Variants in ATP6V1C1 observed in about 807,000 individuals in gnomAD.
The protein encoded by ATP6V1C1 is V-type proton ATPase subunit C 1.
A neutral mutation model predicts 53.9 loss-of-function variants in ATP6V1C1; 45 were observed. The observed-to-expected ratio is 0.83, with a 90% CI of 0.66 to 1.07. ATP6V1C1 has a LOEUF of 1.07. ATP6V1C1 is among the 50% of genes least tolerant of loss of function. The probability of loss-of-function intolerance (pLI) is 0.00; values close to 1 mark genes in which losing one functional copy is unlikely to be tolerated. For synonymous variants in ATP6V1C1, 153 were observed against 155.2 expected (o/e 0.99, Z 0.11); for missense variants, 315 against 440.3 (o/e 0.72, Z 2.55).
At position 103,063,121 on chromosome 8, in the gene ATP6V1C1, T is replaced by A. The variant is rs201731450; in HGVS notation, c.735-14T>A. 1 of 1,611,952 alleles carries A rather than the reference T, an allele frequency of 6.2e-7. No individual in the cohort carries two copies. Among genetic ancestry groups the A allele is most frequent in the Admixed American group, 1.7e-5 (1 of 59,924 alleles). ...ACAATGTGAACAATTTTGTTTTTTT[T>A]CCCCCAAATTTAGATTCATTGTTCG... On this transcript the variant is annotated splice_polypyrimidine_tract_variant and intron_variant, in intron 9 of 12. Coordinates refer to ENST00000518738, the MANE Select transcript of ATP6V1C1 (RefSeq NM_001695.5).
In ATP6V1C1 at chr8:103,066,448, G is replaced by A; in HGVS notation, c.1053+1G>A. On this transcript the variant is annotated splice_donor_variant, in intron 12 of 12. Coordinates refer to ENST00000518738, the MANE Select transcript of ATP6V1C1 (RefSeq NM_001695.5). LOFTEE classifies it high-confidence loss of function. Reference sequence around the variant, plus strand: ...CAGCAGTGCAGCAGCTATTATTGATGTAAGTACTTATTAGCCCAGTAGAGT... The same window carrying A: ...CAGCAGTGCAGCAGCTATTATTGATATAAGTACTTATTAGCCCAGTAGAGT... 3 of 1,589,540 alleles carry A rather than the reference G, an allele frequency of 1.9e-6. No individual in the cohort carries two copies. The highest frequency in any genetic ancestry group is 2.6e-6 in the Non-Finnish European group (3 of 1,172,338).
chr8:103,025,571 C>G (rs1317075905), intron 1 of ATP6V1C1, among the ~76,000 whole-genome samples: 1 of 152,130 alleles, frequency 6.6e-6, no homozygotes, highest in Non-Finnish European at 1.5e-5. Flanking sequence ...GAAACTATAT[C>G]CTAATATTTC....
chr8:103,049,924 T>C (rs562711400), intron 4 of ATP6V1C1, among the ~76,000 whole-genome samples: 2 of 152,198 alleles, frequency 1.3e-5, no homozygotes, highest in East Asian at 3.9e-4. Context: ...ACCACTGTAC[T>C]CTAGTCTGGG....
chr8:103,054,075 A>G, intron 7 of ATP6V1C1, 93 bp downstream of exon 7: 1 of 961,546 alleles, frequency 1.0e-6, no homozygotes. Flanking sequence ...CATAAAATCC[A>G]AGCGTAAAAG....
intron 7 of ATP6V1C1, 38 bp from the exon 8 acceptor site, chr8:103,055,830 G>GT: frequency 6.3e-7 from 1 of 1,581,518 alleles, no homozygotes; most frequent in Non-Finnish European, 8.6e-7. Context: ...AATAGGACTT[G>GT]TTTTTCTTTT....
rs1817597764 is a variant in ATP6V1C1 at position 103,072,140 on chromosome 8, G to A, written c.*3393G>A. On this transcript the variant is annotated 3_prime_UTR_variant, in exon 13 of 13. Coordinates refer to ENST00000518738, the MANE Select transcript of ATP6V1C1 (RefSeq NM_001695.5). ...AATCTTCGTGGAACAAAAGATATTT[G>A]TGGAACCAATCTTTGTGGAACATAT... The A allele has an allele frequency of 6.6e-6, 1 of 152,192 alleles. No individual in the cohort carries two copies. The highest frequency in any genetic ancestry group is 2.4e-5 in the African/African-American group (1 of 41,440). 9.4% of individuals were successfully genotyped at this position (152,192 alleles called of 1,614,324 possible).
At chr8:103,025,450 AGGT>A (rs1429664549) in intron 1 of ATP6V1C1, among the ~76,000 whole-genome samples, 1 of 152,238 alleles carries the variant, frequency 6.6e-6, no homozygotes, top group African/African-American at 2.4e-5. Context: ...TAAGATGTTG[AGGT>A]TACAGAGGTT....
At chr8:103,056,173 C>T (rs1197738488) in intron 8 of ATP6V1C1, among the ~76,000 whole-genome samples, 1 of 152,132 alleles carries the variant, frequency 6.6e-6, no homozygotes, top group African/African-American at 2.4e-5. Flanking sequence ...ATAGTTTGCC[C>T]AGGATCACAC....
chr8:103,061,234 T>C (rs1378883242), intron 8 of ATP6V1C1, among the ~76,000 whole-genome samples: 1 of 152,202 alleles, frequency 6.6e-6, no homozygotes, highest in Non-Finnish European at 1.5e-5. Context: ...TACTTGAGTT[T>C]TCTCTGCATG....
At chr8:103,064,658 C>A in intron 10 of ATP6V1C1, 56 bp from the exon 11 acceptor site, 1 of 1,410,988 alleles carries the variant, frequency 7.1e-7, no homozygotes, top group South Asian at 1.3e-5. Flanking sequence ...AATATTTGGT[C>A]TATCTAATTG....
At chr8:103,033,929 A>G (rs910275920) in intron 1 of ATP6V1C1, among the ~76,000 whole-genome samples, 59 of 152,354 alleles carry the variant, frequency 3.9e-4, no homozygotes, top group African/African-American at 1.4e-3. Flanking sequence ...CTCAGGGAAC[A>G]GTGGAGTAGG....
At chr8:103,052,238 A>C (rs953763310) in intron 5 of ATP6V1C1, among the ~76,000 whole-genome samples, 2 of 152,036 alleles carry the variant, frequency 1.3e-5, no homozygotes, top group Non-Finnish European at 2.9e-5. Flanking sequence ...TTTTCTCCCC[A>C]TGTAGTTAGT....
chr8:103,061,992 A>G lies in ATP6V1C1; in HGVS notation c.642-963A>G, dbSNP rs1817406598. 2.0e-5 allele frequency among the ~76,000 whole-genome samples: 3 copies of G among 152,104 alleles called. No individual in the cohort carries two copies. The South Asian group carries it at 6.2e-4, about 32-fold the overall frequency. On this transcript the variant is annotated intron_variant, in intron 8 of 12. Transcript: ENST00000518738. ...GGTATTACAGATTTAAATGACCATT[A>G]AAATTACCTGGCAGTTGTGTCTGGA...
chr8:103,022,059 C>G (rs927651932), intron 1 of ATP6V1C1, among the ~76,000 whole-genome samples: 1 of 152,142 alleles, frequency 6.6e-6, no homozygotes, highest in Non-Finnish European at 1.5e-5. Flanking sequence ...AAAGTCTACA[C>G]ACAGGACACG....
chr8:103,043,552 C>T (rs560564653), intron 3 of ATP6V1C1, among the ~76,000 whole-genome samples: 1 of 151,510 alleles, frequency 6.6e-6, no homozygotes, highest in Non-Finnish European at 1.5e-5. Flanking sequence ...AGGCTGATCT[C>T]AAACCCCTGA....
At chr8:103,039,901 AT>A (rs764812537) in intron 1 of ATP6V1C1, among the ~76,000 whole-genome samples, 95 of 146,566 alleles carry the variant, frequency 6.5e-4, no homozygotes, top group African/African-American at 1.1e-3. Context: ...GATTGGCAAG[AT>A]TTTTTTTTTT....
chr8:103,062,981 A>G lies in ATP6V1C1; in HGVS notation c.668A>G (p.Tyr223Cys). ...GTTCTTTCAGAGGACCAAGACAGTT[A>G]CCTGTGTAATGTCACCTTGTTTAGG... ...SNVLSEDQDSYLCNVTLFRKA... is the reference protein window; with the variant it reads ...SNVLSEDQDSCLCNVTLFRKA... Residue 223 changes from tyrosine (Y) to cysteine (C), a missense_variant, in exon 9 of 13, where the codon TAC becomes TGC. Transcript: ENST00000518738. 6.2e-7 allele frequency: 1 copy of G among 1,613,734 alleles called. No homozygotes were observed. The highest frequency in any genetic ancestry group is 8.5e-7 in the Non-Finnish European group (1 of 1,179,900).
At chr8:103,031,229 G>T (rs1373090391) in intron 1 of ATP6V1C1, among the ~76,000 whole-genome samples, 2 of 152,188 alleles carry the variant, frequency 1.3e-5, no homozygotes, top group Non-Finnish European at 2.9e-5. Context: ...ATATTCACTG[G>T]TGAGAAGAAT....
intron 1 of ATP6V1C1, among the ~76,000 whole-genome samples, chr8:103,039,901 A>AT (rs764812537): frequency 5.0e-4 from 74 of 146,730 alleles, no homozygotes; most frequent in Middle Eastern, 3.5e-3. Context: ...GATTGGCAAG[A>AT]TTTTTTTTTT....
Sources: gnomAD v4.1 joint callset for allele counts (sites outside exome capture counted in the v4.1 genomes callset) on GRCh38, gnomAD v4.1.1 for gene constraint, MANE v1.5 for transcripts, NCBI Gene and HGNC (gene_info 2026-07-23, HGNC 2026-07-21) for gene names.